ENOX1: variants seen among roughly 807,000 people sequenced by gnomAD.
ENOX1 encodes ecto-NOX disulfide-thiol exchanger 1, also known as candidate growth-related and time keeping constitutive hydroquinone (NADH) oxidase.
A neutral mutation model predicts 82.5 loss-of-function variants in ENOX1; 42 were observed. The observed-to-expected ratio is 0.51, with a 90% CI of 0.40 to 0.66. The LOEUF is 0.66. ENOX1 is among the 30% of genes least tolerant of loss of function. The probability of loss-of-function intolerance (pLI) is 0.00; values close to 1 mark genes in which losing one functional copy is unlikely to be tolerated. For missense variants in ENOX1, 608 were observed against 811.6 expected, an observed-to-expected ratio of 0.75 and a Z score of 3.05; for synonymous variants, 271 against 282.2, an observed-to-expected ratio of 0.96 and a Z score of 0.40.
chr13:43,460,650 T>A (rs1242624392), intron 3 of ENOX1, among the ~76,000 whole-genome samples: 1 of 151,632 alleles, frequency 6.6e-6, no homozygotes, highest in African/African-American at 2.4e-5. Flanking sequence ...AAAAATTAGC[T>A]GGGCATGGTG....
At chr13:43,290,187 A>G (rs367828604) in intron 12 of ENOX1, among the ~76,000 whole-genome samples, 11 of 152,292 alleles carry the variant, frequency 7.2e-5, no homozygotes, top group African/African-American at 2.4e-4. Context: ...AGAACTTAAA[A>G]CAGAGCTATC....
At chr13:43,419,011 C>T (rs2054809440) in intron 3 of ENOX1, among the ~76,000 whole-genome samples, 1 of 152,070 alleles carries the variant, frequency 6.6e-6, no homozygotes, top group South Asian at 2.1e-4. Context: ...AACCCCGTCT[C>T]TACTAAAAAT....
chr13:43,272,866 T>G (rs1225340818), intron 12 of ENOX1, among the ~76,000 whole-genome samples: 2 of 152,282 alleles, frequency 1.3e-5, no homozygotes, highest in East Asian at 3.9e-4. Flanking sequence ...TTATTTAATC[T>G]TCAGTCTACT....
chr13:43,227,141 G>C (rs558174708), intron 15 of ENOX1, among the ~76,000 whole-genome samples: 1 of 152,266 alleles, frequency 6.6e-6, no homozygotes, highest in African/African-American at 2.4e-5. Context: ...TGGGTTGGGG[G>C]AGAGGTTGAT....
chr13:43,506,071 G>A (rs2077148868), intron 2 of ENOX1, among the ~76,000 whole-genome samples: 1 of 152,084 alleles, frequency 6.6e-6, no homozygotes, highest in South Asian at 2.1e-4. Flanking sequence ...TAGATATGCG[G>A]CATTATTTCT....
intron 2 of ENOX1, among the ~76,000 whole-genome samples, chr13:43,566,822 C>T (rs994240762): frequency 1.3e-5 from 2 of 152,058 alleles, no homozygotes; most frequent in Non-Finnish European, 2.9e-5. Flanking sequence ...AATGTTCACA[C>T]ATGTGAAAAT....
At chr13:43,495,130 T>C (rs1293734622) in intron 2 of ENOX1, among the ~76,000 whole-genome samples, 3 of 152,180 alleles carry the variant, frequency 2.0e-5, no homozygotes, top group African/African-American at 7.2e-5. Flanking sequence ...AATCTAAGTT[T>C]GATAAATGTT....
rs188623231 is a variant in ENOX1, at chr13:43,441,731, C to A, written c.-74-28743G>T. Among the ~76,000 whole-genome samples, 164 of 152,206 alleles carry A rather than the reference C, an allele frequency of 1.1e-3. 1 individual carries two copies. Among genetic ancestry groups the A allele is most frequent in the African/African-American group, 3.1e-3 (130 of 41,518 alleles). The stretch of plus-strand genomic sequence containing the variant: ...AATGAAATCTCCAGTCAGCTACACC[C>A]GCTCTGTATGTTGTGATCCCAAGAA... On this transcript the variant is annotated intron_variant, in intron 3 of 16. Transcript: ENST00000690772.
At chr13:43,503,197 G>T (rs961022822) in intron 2 of ENOX1, among the ~76,000 whole-genome samples, 1 of 151,498 alleles carries the variant, frequency 6.6e-6, no homozygotes, top group Non-Finnish European at 1.5e-5. Flanking sequence ...GTAAAACACC[G>T]ATGAAAGAAA....
At chr13:43,221,514 GC>G (rs2041787967) in intron 16 of ENOX1, among the ~76,000 whole-genome samples, 1 of 152,126 alleles carries the variant, frequency 6.6e-6, no homozygotes, top group Admixed American at 6.6e-5. Flanking sequence ...AGCCATGGCT[GC>G]CCCCAACCCG....
At chr13:43,226,021 A>AAAAT (rs1299023564) in intron 15 of ENOX1, among the ~76,000 whole-genome samples, 3 of 152,164 alleles carry the variant, frequency 2.0e-5, no homozygotes, top group Non-Finnish European at 4.4e-5. Flanking sequence ...TTTAAGTGGA[A>AAAAT]AAATAGCCAC....
intron 1 of ENOX1, among the ~76,000 whole-genome samples, chr13:43,678,442 TG>T (rs1435755354): frequency 6.6e-6 from 1 of 152,220 alleles, no homozygotes; most frequent in Non-Finnish European, 1.5e-5. Flanking sequence ...TTGTAGAGTC[TG>T]GCATAAAGTT....
At position 43,366,497 on chromosome 13, in the gene ENOX1, C is replaced by T. The variant is rs972707945; in HGVS notation, c.209-5045G>A. On this transcript the variant is annotated intron_variant, in intron 5 of 16. Coordinates refer to ENST00000690772, the MANE Select transcript of ENOX1 (RefSeq NM_001347969.2). ...TTCACCGTGTTAGCCAGGATGGTCT[C>T]GATCTCCTGACCTCGTGATCTGCCT... Among the ~76,000 whole-genome samples, 3 of 152,136 alleles carry T rather than the reference C, an allele frequency of 2.0e-5. 1 individual carries two copies. The highest frequency in any genetic ancestry group is 2.9e-5 in the Non-Finnish European group (2 of 68,028).
chr13:43,526,318 C>T (rs777814255), intron 2 of ENOX1, among the ~76,000 whole-genome samples: 1 of 152,036 alleles, frequency 6.6e-6, no homozygotes, highest in Non-Finnish European at 1.5e-5. Flanking sequence ...TTTCATCATC[C>T]TTTAATTAAA....
In ENOX1 at chr13:43,493,530, G is replaced by A. The variant is rs113966998; in HGVS notation, c.-218-9378C>T. 7.6e-3 allele frequency among the ~76,000 whole-genome samples: 1,163 copies of A among 152,294 alleles called. 10 individuals are homozygous for A. The highest frequency in any genetic ancestry group is 0.025 in the African/African-American group (1,051 of 41,570). Reference sequence around the variant, plus strand: ...GGCCATCCTGGCTCCCAGAAAGAGCGAGAATTCACCATTCCTTTGCCTTCT... The same window carrying A: ...GGCCATCCTGGCTCCCAGAAAGAGCAAGAATTCACCATTCCTTTGCCTTCT... On this transcript the variant is annotated intron_variant, in intron 2 of 16. Transcript: ENST00000690772.
chr13:43,613,786 C>T (rs985567005), intron 2 of ENOX1, among the ~76,000 whole-genome samples: 2 of 151,904 alleles, frequency 1.3e-5, no homozygotes, highest in Non-Finnish European at 2.9e-5. Flanking sequence ...CAAAAATTAG[C>T]CGGGCATGGT....
At chr13:43,716,586 C>T (rs2088151395) in intron 1 of ENOX1, among the ~76,000 whole-genome samples, 1 of 152,160 alleles carries the variant, frequency 6.6e-6, no homozygotes, top group African/African-American at 2.4e-5. Context: ...GAAAAGAAGT[C>T]AAATGATCTC....
chr13:43,308,348 T>C (rs552809604), intron 11 of ENOX1, among the ~76,000 whole-genome samples: 23 of 152,330 alleles, frequency 1.5e-4, no homozygotes, highest in African/African-American at 5.3e-4. Flanking sequence ...CAGATTTTTA[T>C]ACTTTACTCC....
chr13:43,487,123 G>A (rs1307440971), intron 2 of ENOX1, among the ~76,000 whole-genome samples: 2 of 151,348 alleles, frequency 1.3e-5, no homozygotes, highest in Admixed American at 1.3e-4. Context: ...AGTGGGCTGA[G>A]ATCGTGCCAC....
Sources: allele counts gnomAD v4.1 joint callset (sites outside exome capture counted in the v4.1 genomes callset), GRCh38; gene constraint gnomAD v4.1.1; transcripts MANE v1.5; gene names NCBI Gene and HGNC (gene_info 2026-07-23, HGNC 2026-07-21).